The following RPL19 variants were observed in gnomAD, a reference collection of about 807,000 sequenced individuals.
RPL19 encodes large ribosomal subunit protein eL19.
A neutral mutation model predicts 25.1 loss-of-function variants in RPL19; 2 were observed. The ratio of observed to expected loss-of-function variants is 0.08; its 90% confidence interval spans 0.03 to 0.25. The LOEUF (loss-of-function observed/expected upper bound fraction) is 0.25. RPL19 is among the 10% of genes least tolerant of loss of function. The probability of loss-of-function intolerance (pLI) is 1.00; values close to 1 mark genes in which losing one functional copy is unlikely to be tolerated. For missense variants in RPL19, 123 were observed against 271.8 expected (o/e 0.45, Z 3.85); for synonymous variants, 89 against 91.2 (o/e 0.98, Z 0.14).
At chr17:39,202,597 G>T in intron 3 of RPL19, 158 bp downstream of exon 3, 1 of 920,522 alleles carries the variant, frequency 1.1e-6, no homozygotes, top group Non-Finnish European at 1.6e-6. Flanking sequence ...AGTTGGTGCT[G>T]GTATTGGAAT....
At chr17:39,204,332 C>G (rs763859850) in intron 5 of RPL19, 145 bp downstream of exon 5, 33 of 844,560 alleles carry the variant, frequency 3.9e-5, no homozygotes, top group Non-Finnish European at 6.0e-5. Flanking sequence ...GCACCCACTC[C>G]TCTGTCCTGT....
At position 39,204,598 on chromosome 17, in the gene RPL19, AAGG is replaced by A. The variant is rs745879203; in HGVS notation, c.547_549del (p.Glu183del). On this transcript the variant is annotated inframe_deletion, in exon 6 of 6. Coordinates refer to ENST00000225430, the MANE Select transcript of RPL19 (RefSeq NM_000981.4). ...CCGTGAAGAGCGCCTCCAGGCCAAG[AAGG>A]AGGAGATCATCAAGACTTTATCCAA... 7 of 1,614,016 alleles carry A rather than the reference AAGG, an allele frequency of 4.3e-6. No individual in the cohort carries two copies. Among genetic ancestry groups the A allele is most frequent in the African/African-American group, 2.7e-5 (2 of 74,942 alleles).
In RPL19 at chr17:39,203,800, C is replaced by T. The variant is rs146996472; in HGVS notation, c.357-277C>T. Among the ~76,000 whole-genome samples the T allele has an allele frequency of 5.7e-3, 863 of 152,066 alleles. 10 individuals carry two copies. The highest frequency in any genetic ancestry group is 0.02 in the African/African-American group (818 of 41,452). On this transcript the variant is annotated intron_variant, in intron 4 of 5. Transcript: ENST00000225430. ...CAGATTACAGGCCTGAGCCACCACGCCCAGCCATGGGTAGGGAGCCTTTCT... is the reference window on the plus strand; with the variant it reads ...CAGATTACAGGCCTGAGCCACCACGTCCAGCCATGGGTAGGGAGCCTTTCT...
chr17:39,203,065 G>A lies in RPL19; in HGVS notation c.312G>A (p.Arg104=), dbSNP rs2046301611. 2 of 1,613,984 alleles carry A rather than the reference G, an allele frequency of 1.2e-6. No individual in the cohort carries two copies. The highest frequency in any genetic ancestry group is 1.7e-6 in the Non-Finnish European group (2 of 1,179,998). ...TGAGGAGAATGAGGATTTTGCGCCG[G>A]CTGCTCAGAAGATACCGTGAATCTA... is the stretch of plus-strand genomic sequence containing the variant. The part of the protein sequence containing the change: ...TWMRRMRILR[R]LLRRYRESKK... Residue 104 remains arginine, a synonymous_variant, in exon 4 of 6, where the codon CGG becomes CGA. Transcript: ENST00000225430.
chr17:39,201,255 C>T lies in RPL19; in HGVS notation c.48C>T (p.Arg16=), dbSNP rs1475780376. The T allele has an allele frequency of 6.2e-7, 1 of 1,613,454 alleles. No homozygotes were observed. The highest frequency in any genetic ancestry group is 1.7e-5 in the Admixed American group (1 of 59,910). Residue 16 remains arginine, a synonymous_variant, in exon 2 of 6, where the codon CGC becomes CGT. Coordinates refer to ENST00000225430, the MANE Select transcript of RPL19 (RefSeq NM_000981.4). ...AGAGGCTCGCCTCTAGTGTCCTCCG[C>T]TGTGGCAAGAAGAAGGTCTGGTTAG... ...LQKRLASSVL[R]CGKKKVWLDP...
At chr17:39,204,443 GGA>G (rs2046310676) in intron 5 of RPL19, 80 bp from the exon 6 acceptor site, 1 of 1,531,652 alleles carries the variant, frequency 6.5e-7, no homozygotes, top group Admixed American at 1.8e-5. Flanking sequence ...AGGCTCAAAG[GGA>G]GAGGTCTGGG....
At chr17:39,202,748 C>T (rs1295061417) in intron 3 of RPL19, 2 of 603,490 alleles carry the variant, frequency 3.3e-6, no homozygotes, top group Admixed American at 3.0e-5. Flanking sequence ...GCCTGTTACA[C>T]CCACATTCTG....
chr17:39,202,264 CTG>C (rs1344844808), intron 2 of RPL19, 51 bp from the exon 3 acceptor site: 92 of 1,610,606 alleles, frequency 5.7e-5, no homozygotes, highest in East Asian at 8.9e-5. Flanking sequence ...TATTTGGACT[CTG>C]TGATGTGCTT....
chr17:39,203,243 G>A (rs1284645763), intron 4 of RPL19, 134 bp downstream of exon 4: 24 of 888,392 alleles, frequency 2.7e-5, no homozygotes, highest in Admixed American at 1.5e-4. Context: ...GTGCAGTGGC[G>A]CGATCTCAGC....
At chr17:39,200,772 TC>T (rs1462155024) in intron 1 of RPL19, 1 of 1,043,996 alleles carries the variant, frequency 9.6e-7, no homozygotes, top group African/African-American at 1.7e-5. Context: ...CTCCATTCAC[TC>T]CTTTGGCCTC....
intron 1 of RPL19, among the ~76,000 whole-genome samples, chr17:39,200,939 G>A (rs2046282601): frequency 6.6e-6 from 1 of 152,090 alleles, no homozygotes; most frequent in Admixed American, 6.5e-5. Context: ...TACCAGAAAT[G>A]GCATAACCCC....
intron 2 of RPL19, 37 bp downstream of exon 2, chr17:39,201,356 T>G: frequency 8.3e-7 from 1 of 1,210,858 alleles, no homozygotes. Flanking sequence ...CCCTACTTCC[T>G]TCTTTTCTCC....
rs755565787 is a variant in RPL19, at chr17:39,204,516, C to T, written c.468-9C>T. On this transcript the variant is annotated splice_polypyrimidine_tract_variant and intron_variant, in intron 5 of 5. Transcript: ENST00000225430. Reference sequence around the variant, plus strand: ...CCAAACTGACCCGTCTTTTCTCTTCCCTGACCAGTGACCAGGCTGAGGCCC... The same window carrying T: ...CCAAACTGACCCGTCTTTTCTCTTCTCTGACCAGTGACCAGGCTGAGGCCC... 5.7e-5 allele frequency: 92 copies of T among 1,613,950 alleles called. 1 individual carries two copies. In the Admixed American group the frequency reaches 1.3e-3, roughly 22 times the overall value.
At chr17:39,201,875 G>GT (rs1223316312) in intron 2 of RPL19, among the ~76,000 whole-genome samples, 1 of 152,152 alleles carries the variant, frequency 6.6e-6, no homozygotes, top group Admixed American at 6.6e-5. Flanking sequence ...CCTAGCCTGG[G>GT]TTGACTTGTT....
rs150424027 is a variant in RPL19 at position 39,204,277 on chromosome 17, G to C, written c.467+90G>C. The C allele has an allele frequency of 4.9e-5, 45 of 911,756 alleles. No individual in the cohort carries two copies. The East Asian group carries it at 1.1e-3, about 23-fold the overall frequency. The allele number at this position is 911,756 out of a possible 1,614,324, so 56.5% of individuals were successfully genotyped here. A position where few individuals can be genotyped will look rare whatever the true frequency, so the allele number is the denominator to read the frequency against. On this transcript the variant is annotated intron_variant, in intron 5 of 5. Transcript: ENST00000225430. ...TAAAATGTGCCAATGCCTAAGTCTTGACTTGCACGTAGTCTGTCTTAGGAA... is the reference window on the plus strand; with the variant it reads ...TAAAATGTGCCAATGCCTAAGTCTTCACTTGCACGTAGTCTGTCTTAGGAA...
At chr17:39,202,695 C>T (rs777384367) in intron 3 of RPL19, 8 of 596,262 alleles carry the variant, frequency 1.3e-5, no homozygotes, top group Admixed American at 9.1e-5. Context: ...TCAGAATGAT[C>T]GAAGGAAGCT....
intron 3 of RPL19, 151 bp downstream of exon 3, chr17:39,202,590 T>C (rs1406474071): frequency 1.4e-5 from 14 of 985,930 alleles, no homozygotes; most frequent in Non-Finnish European, 2.1e-5. Flanking sequence ...ATCAGAAAGT[T>C]GGTGCTGGTA....
intron 3 of RPL19, 84 bp from the exon 4 acceptor site, chr17:39,202,905 C>T: frequency 1.3e-6 from 2 of 1,491,586 alleles, no homozygotes; most frequent in Non-Finnish European, 1.9e-6. Context: ...AGTTAAGGAC[C>T]CTGACTTGAA....
chr17:39,200,551 G>A, intron 1 of RPL19: 1 of 1,297,326 alleles, frequency 7.7e-7, no homozygotes. Flanking sequence ...ACTGAGACCA[G>A]GAAAAGTCTG....
Sources: allele counts gnomAD v4.1 joint callset (sites outside exome capture counted in the v4.1 genomes callset), GRCh38; gene constraint gnomAD v4.1.1; transcripts MANE v1.5; gene names NCBI Gene and HGNC (gene_info 2026-07-23, HGNC 2026-07-21).